Variants in MAP4K3 observed in about 807,000 individuals in gnomAD.
The protein encoded by MAP4K3 is MAPK/ERK kinase kinase kinase 3.
MAP4K3 carries 94 observed loss-of-function variants against 143.5 expected under a neutral mutation model. That is an observed-to-expected ratio of 0.65 (90% CI 0.55 to 0.78). MAP4K3 has a LOEUF of 0.78. Ranked by LOEUF, MAP4K3 falls within the 30% of genes least tolerant of loss-of-function variation. MAP4K3 has a pLI of 0.00. For missense variants in MAP4K3, 1,077 were observed against 1,068.1 expected (o/e 1.01, Z -0.12); for synonymous variants, 416 against 347.2 (o/e 1.20, Z -2.20).
intron 1 of MAP4K3, among the ~76,000 whole-genome samples, chr2:39,401,666 TG>T (rs1666957893): frequency 6.6e-6 from 1 of 151,708 alleles, no homozygotes; most frequent in African/African-American, 2.4e-5. Flanking sequence ...CCAGGCATGG[TG>T]GCCCGTGCCT....
chr2:39,310,426 A>AT (rs750066578), intron 13 of MAP4K3, among the ~76,000 whole-genome samples: 32 of 152,072 alleles, frequency 2.1e-4, no homozygotes, highest in Non-Finnish European at 4.1e-4. Flanking sequence ...ACAGGATTTC[A>AT]TTTTTTTTAT....
intron 16 of MAP4K3, 56 bp from the exon 17 acceptor site, chr2:39,293,324 C>A: frequency 9.3e-7 from 1 of 1,071,528 alleles, no homozygotes; most frequent in Non-Finnish European, 1.4e-6. Context: ...AAAGGAATAT[C>A]GAATGTGTTT....
At chr2:39,299,190 T>TTTAA (rs1682409281) in intron 16 of MAP4K3, among the ~76,000 whole-genome samples, 1 of 152,280 alleles carries the variant, frequency 6.6e-6, no homozygotes, top group Admixed American at 6.5e-5. Flanking sequence ...TAAGCTGCCT[T>TTTAA]TTAAACCTCT....
chr2:39,250,727 TAACAA>T (rs765333351), intron 33 of MAP4K3, 22 bp from the exon 34 acceptor site: 1 of 1,595,684 alleles, frequency 6.3e-7, no homozygotes, highest in Non-Finnish European at 8.6e-7. Context: ...AAAAAACATA[TAACAA>T]AACAAAGTTA....
chr2:39,271,425 AG>A (rs1558612773), intron 26 of MAP4K3, among the ~76,000 whole-genome samples: 1 of 152,242 alleles, frequency 6.6e-6, no homozygotes, highest in Non-Finnish European at 1.5e-5. Context: ...ATTATAAAAA[AG>A]AATAGGCATA....
intron 3 of MAP4K3, among the ~76,000 whole-genome samples, chr2:39,355,301 C>T (rs137995448): frequency 5.1e-4 from 67 of 130,930 alleles, no homozygotes; most frequent in African/African-American, 1.9e-3. Context: ...GTGGAAGGTG[C>T]GGTGAGCCGA....
Position 39,338,732 on chromosome 2 carries a change from C to T in MAP4K3, c.311-1151G>A, listed in dbSNP as rs1461428761. 2.0e-5 allele frequency among the ~76,000 whole-genome samples: 3 copies of T among 152,234 alleles called. No homozygotes were observed. The East Asian group carries it at 5.8e-4, about 29-fold the overall frequency. On this transcript the variant is annotated intron_variant, in intron 4 of 33. Coordinates refer to ENST00000263881, the MANE Select transcript of MAP4K3 (RefSeq NM_003618.4). Reference sequence around the variant, plus strand: ...TGAGGAGGAGATTAGGTCATGAGTGCTCCTCCCTTGTGAAGGAGATTAAGA... The same window carrying T: ...TGAGGAGGAGATTAGGTCATGAGTGTTCCTCCCTTGTGAAGGAGATTAAGA...
chr2:39,341,073 G>C (rs769171359), intron 4 of MAP4K3, among the ~76,000 whole-genome samples: 1 of 152,128 alleles, frequency 6.6e-6, no homozygotes, highest in African/African-American at 2.4e-5. Flanking sequence ...AGGTAAGCCT[G>C]TTAAGTCCCA....
intron 1 of MAP4K3, among the ~76,000 whole-genome samples, chr2:39,409,746 C>A (rs1436681896): frequency 6.6e-6 from 1 of 152,070 alleles, no homozygotes; most frequent in African/African-American, 2.4e-5. Flanking sequence ...CAGAAATAGA[C>A]TAAAAATAAT....
chr2:39,332,433 G>C (rs1007882650), intron 7 of MAP4K3, among the ~76,000 whole-genome samples: 12 of 151,994 alleles, frequency 7.9e-5, no homozygotes, highest in African/African-American at 2.7e-4. Flanking sequence ...TCTACTTGCA[G>C]CTTGAAAAGA....
intron 12 of MAP4K3, among the ~76,000 whole-genome samples, chr2:39,318,538 T>C (rs889604086): frequency 3.9e-5 from 6 of 152,120 alleles, no homozygotes; most frequent in African/African-American, 9.7e-5. Flanking sequence ...ACACTAACCA[T>C]AGACACCTGC....
At chr2:39,272,050 AG>A (rs2148454639) in intron 26 of MAP4K3, 1 of 352,880 alleles carries the variant, frequency 2.8e-6, no homozygotes, top group East Asian at 4.7e-5. Context: ...TTAAACTTGC[AG>A]AAAAAGAATA....
At chr2:39,250,834 C>A in intron 33 of MAP4K3, 129 bp from the exon 34 acceptor site, 1 of 706,472 alleles carries the variant, frequency 1.4e-6, no homozygotes, top group South Asian at 1.8e-5. Context: ...GGGCAGAAAT[C>A]ATTTGCTATC....
At chr2:39,337,752 G>T (rs1287099417) in intron 4 of MAP4K3, among the ~76,000 whole-genome samples, 171 bp from the exon 5 acceptor site, 112 of 70,472 alleles carry the variant, frequency 1.6e-3, no homozygotes, top group East Asian at 0.014. Context: ...CCTGGCTCCA[G>T]TTTTTTTTTT....
At chr2:39,427,248 A>C (rs1665117759) in intron 1 of MAP4K3, among the ~76,000 whole-genome samples, 1 of 152,084 alleles carries the variant, frequency 6.6e-6, no homozygotes, top group Non-Finnish European at 1.5e-5. Flanking sequence ...AGTAAAGACA[A>C]AATAAAGACA....
At position 39,292,482 on chromosome 2, in the gene MAP4K3, G is replaced by A. The variant is rs191189434; in HGVS notation, c.1271+291C>T. Reference sequence around the variant, plus strand: ...CCACGTGAAGACATGGCCAGAAGACGGCTGTCTGCAAGCCAAGAAGGCAGC... The same window carrying A: ...CCACGTGAAGACATGGCCAGAAGACAGCTGTCTGCAAGCCAAGAAGGCAGC... On this transcript the variant is annotated intron_variant, in intron 18 of 33. Transcript: ENST00000263881. 4.6e-5 allele frequency among the ~76,000 whole-genome samples: 7 copies of A among 152,278 alleles called. No homozygotes were observed. The East Asian group carries it at 1.4e-3, about 29-fold the overall frequency.
chr2:39,258,332 TA>T lies in MAP4K3; in HGVS notation c.2470+15del. 1 of 1,509,124 alleles carries T rather than the reference TA, an allele frequency of 6.6e-7. No homozygotes were observed. Among genetic ancestry groups the T allele is most frequent in the Non-Finnish European group, 9.1e-7 (1 of 1,101,066 alleles). The allele number at this position is 1,509,124 out of a possible 1,614,324, so 93.5% of individuals were successfully genotyped here. ...AAGGAGTTCATAATGCAAAGAATTA[TA>T]AAACTTTGACTTACCTATTGATTCA... On this transcript the variant is annotated intron_variant, in intron 31 of 33. Transcript: ENST00000263881.
At position 39,249,833 on chromosome 2, in the gene MAP4K3, G is replaced by A. The variant is rs183242472; in HGVS notation, c.*785C>T. The stretch of plus-strand genomic sequence containing the variant: ...ATTCTGTGATTCAAAAATGTTCAAA[G>A]GTATTGTTTTTAAGCAAAGACAAGC... On this transcript the variant is annotated 3_prime_UTR_variant, in exon 34 of 34. Transcript: ENST00000263881. The A allele has an allele frequency of 5.2e-5, 8 of 152,568 alleles. No homozygotes were observed. Among genetic ancestry groups the A allele is most frequent in the African/African-American group, 1.9e-4 (8 of 41,540 alleles). The allele number at this position is 152,568 out of a possible 1,614,324, so 9.5% of individuals were successfully genotyped here. A position where few individuals can be genotyped will look rare whatever the true frequency, so the allele number is the denominator to read the frequency against.
chr2:39,390,057 C>T (rs1329607775), intron 1 of MAP4K3, among the ~76,000 whole-genome samples: 3 of 152,002 alleles, frequency 2.0e-5, no homozygotes, highest in South Asian at 2.1e-4. Context: ...TAAATTATTA[C>T]GATCAACATC....
Sources: gnomAD v4.1 joint callset for allele counts (sites outside exome capture counted in the v4.1 genomes callset) on GRCh38, gnomAD v4.1.1 for gene constraint, MANE v1.5 for transcripts, NCBI Gene and HGNC (gene_info 2026-07-23, HGNC 2026-07-21) for gene names.